Variants in ARMH3 observed in about 807,000 individuals in gnomAD.
The protein encoded by ARMH3 is armadillo like helical domain containing 3.
Under a neutral mutation model 99.1 loss-of-function variants are expected in ARMH3, and 60 were observed. That is an observed-to-expected ratio of 0.61 (90% confidence interval 0.49 to 0.75). The LOEUF (loss-of-function observed/expected upper bound fraction) is 0.75. Among genes scored for constraint, ARMH3 ranks in the 30% least tolerant of loss-of-function variants. The pLI, the probability that ARMH3 is intolerant of heterozygous loss-of-function variation, is 0.00. For synonymous variants in ARMH3, 285 were observed against 292.8 expected, an observed-to-expected ratio of 0.97 and a Z score of 0.27; for missense variants, 679 against 843.1, an observed-to-expected ratio of 0.81 and a Z score of 2.41.
intron 24 of ARMH3, among the ~76,000 whole-genome samples, chr10:101,882,414 G>A (rs2067441450): frequency 1.3e-5 from 2 of 152,134 alleles, no homozygotes; most frequent in Non-Finnish European, 2.9e-5. Flanking sequence ...CAACTCAAAC[G>A]GTGAACAGCC....
At chr10:101,897,579 C>T (rs1296914513) in intron 23 of ARMH3, among the ~76,000 whole-genome samples, 3 of 151,316 alleles carry the variant, frequency 2.0e-5, no homozygotes, top group Non-Finnish European at 2.9e-5. Flanking sequence ...AAAAGTAAGC[C>T]TAGGTTTTGT....
In ARMH3 at chr10:102,002,625, C is replaced by T. The variant is rs569380517; in HGVS notation, c.1049-553G>A. Among the ~76,000 whole-genome samples the T allele has an allele frequency of 2.0e-4, 31 of 152,112 alleles. No individual in the cohort carries two copies. The South Asian group carries it at 6.4e-3, about 32-fold the overall frequency. On this transcript the variant is annotated intron_variant, in intron 14 of 25. Transcript: ENST00000370033. ...TCTACCACTATTAAGTGGCAGACTT[C>T]CCTTCCCCGCTTAAGGGAACTGAAA...
rs763024607 is a variant in ARMH3, at chr10:102,006,553, C to A, written c.1035G>T (p.Pro345=). ...TGGTGGGCTCACCATCAGAGGAAGG[C>A]GGTGTGGTCCCAAGTGGTGTGACTG... The part of the protein sequence containing the change: ...TTPVTPLGTT[P]PSSDVISSVE... Residue 345 remains proline (P), a synonymous_variant, in exon 14 of 26, where the codon CCG becomes CCT. Transcript: ENST00000370033. The A allele has an allele frequency of 6.2e-7, 1 of 1,613,536 alleles. No homozygotes were observed. The highest frequency in any genetic ancestry group is 1.3e-5 in the African/African-American group (1 of 74,864).
At chr10:101,907,280 G>A (rs1234325758) in intron 23 of ARMH3, among the ~76,000 whole-genome samples, 1 of 152,096 alleles carries the variant, frequency 6.6e-6, no homozygotes, top group Non-Finnish European at 1.5e-5. Flanking sequence ...AGTATTTACT[G>A]AGAAGTTATA....
At chr10:101,889,669 G>A in intron 23 of ARMH3, 179 bp from the exon 24 acceptor site, 1 of 630,072 alleles carries the variant, frequency 1.6e-6, no homozygotes. Flanking sequence ...TGATAACTCT[G>A]AAGTGGGAAG....
chr10:101,901,194 T>C (rs2067967798), intron 23 of ARMH3, among the ~76,000 whole-genome samples: 1 of 148,300 alleles, frequency 6.7e-6, no homozygotes, highest in Non-Finnish European at 1.5e-5. Context: ...AGTGGTCCAG[T>C]GTGGGCCATA....
chr10:101,947,281 A>C (rs1590067301), intron 22 of ARMH3, among the ~76,000 whole-genome samples: 1 of 152,156 alleles, frequency 6.6e-6, no homozygotes, highest in African/African-American at 2.4e-5. Flanking sequence ...GAAACCATGG[A>C]GGCCAGAAAA....
At chr10:102,045,537 T>C (rs1212333986) in intron 1 of ARMH3, among the ~76,000 whole-genome samples, 4 of 152,210 alleles carry the variant, frequency 2.6e-5, no homozygotes, top group African/African-American at 4.8e-5. Flanking sequence ...ACCTCAAGAT[T>C]TGAATGCACT....
chr10:101,887,387 C>T lies in ARMH3; in HGVS notation c.1860+2025G>A, dbSNP rs145620256. On this transcript the variant is annotated intron_variant, in intron 24 of 25. Coordinates refer to ENST00000370033, the MANE Select transcript of ARMH3 (RefSeq NM_024541.3). ...CACAACTTATATTATAGAAGGTATA[C>T]AATAATAATGATAATTATTATTATT... Among the ~76,000 whole-genome samples the T allele has an allele frequency of 1.1e-3, 170 of 151,866 alleles. 1 individual carries two copies. In the East Asian group the frequency reaches 0.025, roughly 22 times the overall value.
chr10:101,880,452 T>C (rs2067383894), intron 24 of ARMH3, among the ~76,000 whole-genome samples: 1 of 152,144 alleles, frequency 6.6e-6, no homozygotes, highest in South Asian at 2.1e-4. Context: ...GCCACACAGC[T>C]TTACAGCCCC....
intron 15 of ARMH3, among the ~76,000 whole-genome samples, chr10:101,999,294 C>A (rs1427930919): frequency 6.6e-6 from 1 of 151,896 alleles, no homozygotes; most frequent in Non-Finnish European, 1.5e-5. Flanking sequence ...CGCATTCAAG[C>A]GATTCTTATG....
At chr10:101,985,260 G>A (rs1297593445) in intron 19 of ARMH3, among the ~76,000 whole-genome samples, 2 of 146,188 alleles carry the variant, frequency 1.4e-5, no homozygotes, top group African/African-American at 2.5e-5. Context: ...GTATATATAT[G>A]TGTATATACG....
chr10:102,049,406 G>A lies in ARMH3; in HGVS notation c.-12+6679C>T, dbSNP rs189593990. Among the ~76,000 whole-genome samples the A allele has an allele frequency of 1.3e-4, 20 of 152,074 alleles. No homozygotes were observed. The East Asian group carries it at 2.9e-3, about 22-fold the overall frequency. ...AAAATACAAAAATTAGCCACGCATC[G>A]TGGCAAGTGCCTGTAATCCCAGCTA... On this transcript the variant is annotated intron_variant, in intron 1 of 25. Transcript: ENST00000370033.
intron 5 of ARMH3, 82 bp downstream of exon 5, chr10:102,029,556 G>C (rs962864427): frequency 8.7e-6 from 14 of 1,613,572 alleles, no homozygotes; most frequent in Non-Finnish European, 1.2e-5. Flanking sequence ...CCAAATCTTT[G>C]AGTACATTTG....
chr10:101,942,376 G>A (rs1463224054), intron 22 of ARMH3, among the ~76,000 whole-genome samples: 1 of 152,128 alleles, frequency 6.6e-6, no homozygotes, highest in Non-Finnish European at 1.5e-5. Context: ...TAGAACCAAG[G>A]AATTATAAGA....
At chr10:102,038,129 C>T (rs1475915498) in intron 2 of ARMH3, among the ~76,000 whole-genome samples, 1 of 131,468 alleles carries the variant, frequency 7.6e-6, no homozygotes, top group Admixed American at 8.5e-5. Context: ...GAGTCTCGCT[C>T]TGTCGCCCAG....
At chr10:101,866,483 A>T (rs1191973980) in intron 24 of ARMH3, among the ~76,000 whole-genome samples, 2 of 38,904 alleles carry the variant, frequency 5.1e-5, no homozygotes, top group African/African-American at 9.7e-5. Context: ...GGACAAGTGT[A>T]AAAAAAAAAA....
At chr10:101,862,587 T>C (rs1324188911) in intron 24 of ARMH3, among the ~76,000 whole-genome samples, 1 of 151,524 alleles carries the variant, frequency 6.6e-6, no homozygotes, top group African/African-American at 2.4e-5. Flanking sequence ...AAAAAATAAA[T>C]AACATGAAGG....
At chr10:102,032,990 G>A in intron 4 of ARMH3, 36 bp downstream of exon 4, 1 of 1,608,252 alleles carries the variant, frequency 6.2e-7, no homozygotes, top group Non-Finnish European at 8.5e-7. Flanking sequence ...CCTTTCTCCT[G>A]TTAAACAAGA....
Sources: gnomAD v4.1 joint callset for allele counts (sites outside exome capture counted in the v4.1 genomes callset) on GRCh38, gnomAD v4.1.1 for gene constraint, MANE v1.5 for transcripts, NCBI Gene and HGNC (gene_info 2026-07-23, HGNC 2026-07-21) for gene names.